PAM: variants seen among roughly 807,000 people sequenced by gnomAD.
PAM encodes the protein peptidylglycine alpha-amidating monooxygenase, also known as peptidyl-glycine alpha-amidating monooxygenase.
Under a neutral mutation model 122.1 loss-of-function variants are expected in PAM, and 72 were observed. That is an observed-to-expected ratio of 0.59 (90% confidence interval 0.49 to 0.72). The LOEUF is 0.72. PAM is among the 30% of genes least tolerant of loss of function. PAM has a pLI of 0.00. For synonymous variants in PAM, 389 were observed against 404.4 expected (o/e 0.96, Z 0.46); for missense variants, 1,106 against 1,183.7 (o/e 0.93, Z 0.96).
In PAM at chr5:102,809,913, C is replaced by G. The variant is rs142414180; in HGVS notation, c.-374+54565C>G. On this transcript the variant is annotated intron_variant, in intron 1 of 25. Transcript: ENST00000438793. ...AATCCTGTTTGTGTTTGAAAATTTA[C>G]TTGTTCATTGCTATCAGAAAATAGT... Among the ~76,000 whole-genome samples the G allele has an allele frequency of 3.7e-3, 556 of 152,192 alleles. 2 individuals carry two copies. Among genetic ancestry groups the G allele is most frequent in the Admixed American group, 0.011 (163 of 15,278 alleles).
At chr5:102,855,039 G>T (rs907215255) in intron 1 of PAM, among the ~76,000 whole-genome samples, 4 of 152,010 alleles carry the variant, frequency 2.6e-5, no homozygotes, top group Non-Finnish European at 5.9e-5. Context: ...TTTTATTTTA[G>T]CCTCTCTGCC....
chr5:102,898,959 G>T (rs190474616), intron 3 of PAM, among the ~76,000 whole-genome samples: 108 of 151,554 alleles, frequency 7.1e-4, no homozygotes, highest in Non-Finnish European at 3.0e-4. Context: ...AATACCTACC[G>T]AATAGTGTTA....
At chr5:102,944,032 C>T (rs1045612075) in intron 7 of PAM, among the ~76,000 whole-genome samples, 2 of 152,126 alleles carry the variant, frequency 1.3e-5, no homozygotes, top group Admixed American at 6.6e-5. Context: ...GTTGTGATGG[C>T]CTCTAAGGCA....
rs182172183 is a variant in PAM, at chr5:102,932,578, C to T, written c.526+5910C>T. On this transcript the variant is annotated intron_variant, in intron 7 of 25. Transcript: ENST00000438793. ...GTGTGTGTATGTATAGATATATATA[C>T]ATATAATTGTATATATATATCTGCA... Among the ~76,000 whole-genome samples, 744 of 147,594 alleles carry T rather than the reference C, an allele frequency of 5.0e-3. 7 individuals are homozygous for T. Among genetic ancestry groups the T allele is most frequent in the African/African-American group, 0.018 (711 of 40,194 alleles).
chr5:102,866,085 G>C lies in PAM; in HGVS notation c.-111G>C, dbSNP rs1785463886. 1.7e-6 allele frequency: 1 copy of C among 599,784 alleles called. No individual in the cohort carries two copies. Among genetic ancestry groups the C allele is most frequent in the Non-Finnish European group, 2.8e-6 (1 of 359,646 alleles). 37.2% of individuals were successfully genotyped at this position (599,784 alleles called of 1,614,324 possible). A position where few individuals can be genotyped will look rare whatever the true frequency, so the allele number is the denominator to read the frequency against. ...GTGTGGCCGCCGCAGGACGCCCGCC[G>C]TGCCCGGGCCATGAAGTAGCGGCTG... On this transcript the variant is annotated 5_prime_UTR_variant, in exon 2 of 26. Transcript: ENST00000438793.
Position 103,028,170 on chromosome 5 carries a change from A to G in PAM, c.2690-15A>G. On this transcript the variant is annotated splice_polypyrimidine_tract_variant and intron_variant, in intron 24 of 25. Coordinates refer to ENST00000438793, the MANE Select transcript of PAM (RefSeq NM_001177306.2). ...ACTGGGACTCATTTTGAAATGTGCC[A>G]TCTTTTTTTAGCAGATTCTGAACAC... is the stretch of plus-strand genomic sequence containing the variant. 6.2e-7 allele frequency: 1 copy of G among 1,609,294 alleles called. No homozygotes were observed. The highest frequency in any genetic ancestry group is 8.5e-7 in the Non-Finnish European group (1 of 1,175,938).
chr5:102,784,823 A>G (rs1241504350), intron 1 of PAM, among the ~76,000 whole-genome samples: 1 of 152,126 alleles, frequency 6.6e-6, no homozygotes, highest in African/African-American at 2.4e-5. Flanking sequence ...TATTGTTGTT[A>G]TTCGTTTACT....
chr5:102,846,333 A>T (rs934711057), intron 1 of PAM, among the ~76,000 whole-genome samples: 1 of 152,140 alleles, frequency 6.6e-6, no homozygotes, highest in Non-Finnish European at 1.5e-5. Flanking sequence ...TCCTTTGTGC[A>T]TTGGCTCCTG....
At chr5:102,844,710 T>C (rs1404814859) in intron 1 of PAM, among the ~76,000 whole-genome samples, 1 of 151,968 alleles carries the variant, frequency 6.6e-6, no homozygotes, top group African/African-American at 2.4e-5. Context: ...AAAAAAAGAA[T>C]GGGCTCTTAA....
intron 1 of PAM, among the ~76,000 whole-genome samples, chr5:102,837,527 C>G (rs1337203731): frequency 3.3e-5 from 5 of 152,136 alleles, no homozygotes; most frequent in Non-Finnish European, 7.3e-5. Context: ...CAAATATTTC[C>G]TCTCCTTTCT....
chr5:102,784,488 A>G (rs564358899), intron 1 of PAM, among the ~76,000 whole-genome samples: 3 of 152,304 alleles, frequency 2.0e-5, no homozygotes, highest in Non-Finnish European at 4.4e-5. Flanking sequence ...ACTTATTACA[A>G]AAGTCACTAA....
At chr5:103,017,629 T>C (rs1047885037) in intron 22 of PAM, among the ~76,000 whole-genome samples, 196 bp downstream of exon 22, 2 of 152,208 alleles carry the variant, frequency 1.3e-5, no homozygotes, top group Non-Finnish European at 2.9e-5. Flanking sequence ...CTTATCCCCT[T>C]GTTTCCACAG....
chr5:102,992,425 A>C (rs1249322006), intron 16 of PAM, among the ~76,000 whole-genome samples: 3 of 152,070 alleles, frequency 2.0e-5, no homozygotes, highest in Non-Finnish European at 2.9e-5. Flanking sequence ...ATGGTTGTAA[A>C]GAAATTCTTT....
intron 1 of PAM, among the ~76,000 whole-genome samples, chr5:102,777,666 G>A (rs1757530127): frequency 6.6e-6 from 1 of 152,112 alleles, no homozygotes; most frequent in Non-Finnish European, 1.5e-5. Context: ...CTTCAGCTAA[G>A]AGGTAAGTGA....
At position 102,959,881 on chromosome 5, in the gene PAM, G is replaced by A. The variant is rs142765293; in HGVS notation, c.912G>A (p.Thr304=). The A allele has an allele frequency of 4.6e-5, 74 of 1,607,724 alleles. No individual in the cohort carries two copies. Among genetic ancestry groups the A allele is most frequent in the Admixed American group, 1.7e-4 (10 of 59,730 alleles). ...GRTEATHIGG[T]SSDEMCNLYI... is the part of the protein sequence containing the mutation. ...ATCTTTTTTTTGCCTGCAGTGGCACGTCTAGTGATGAAATGTGCAACTTAT... is the reference window on the plus strand; with the variant it reads ...ATCTTTTTTTTGCCTGCAGTGGCACATCTAGTGATGAAATGTGCAACTTAT... The change falls in exon 13 of 26, where the codon ACG becomes ACA. Residue 304 remains threonine (T), a synonymous_variant. Transcript: ENST00000438793.
chr5:102,950,416 G>GGGGGTGTGTGTGTGTGT (rs372626572), intron 11 of PAM, among the ~76,000 whole-genome samples: 1 of 145,966 alleles, frequency 6.9e-6, no homozygotes, highest in Non-Finnish European at 1.5e-5. Context: ...TATGTGGGTG[G>GGGGGTGTGTGTGTGTGT]GTGTGTGTGT....
chr5:102,952,172 G>GA (rs544827779), intron 12 of PAM, among the ~76,000 whole-genome samples: 1,621 of 144,732 alleles, frequency 0.011, 25 homozygotes, highest in African/African-American at 0.038. Flanking sequence ...TTAAGTGTGG[G>GA]AAAAAAACAG....
At chr5:102,803,875 C>A (rs1442366227) in intron 1 of PAM, among the ~76,000 whole-genome samples, 2 of 152,116 alleles carry the variant, frequency 1.3e-5, no homozygotes, top group Non-Finnish European at 2.9e-5. Context: ...GGAAAATAAG[C>A]AACTTGATAA....
intron 1 of PAM, among the ~76,000 whole-genome samples, chr5:102,815,332 G>A (rs968690058): frequency 1.1e-4 from 16 of 152,052 alleles, no homozygotes; most frequent in Non-Finnish European, 2.1e-4. Context: ...TTTTGGAATC[G>A]TGTTAGGGCA....
Sources: gnomAD v4.1 joint callset for allele counts (sites outside exome capture counted in the v4.1 genomes callset) on GRCh38, gnomAD v4.1.1 for gene constraint, MANE v1.5 for transcripts, NCBI Gene and HGNC (gene_info 2026-07-23, HGNC 2026-07-21) for gene names.